Variants in WASHC2C observed in about 807,000 individuals in gnomAD.
The protein encoded by WASHC2C is WASH complex subunit 2C, also known as Vaccinia Penetration Factor.
WASHC2C carries 73 observed loss-of-function variants against 142.2 expected under a neutral mutation model. That is an observed-to-expected ratio of 0.51 (90% confidence interval 0.43 to 0.62). The LOEUF is 0.62. Ranked by LOEUF, WASHC2C falls within the 20% of genes least tolerant of loss-of-function variation. The pLI is 0.00. For missense variants in WASHC2C, 969 were observed against 1,531.7 expected (o/e 0.63, Z 6.13); for synonymous variants, 337 against 565.5 (o/e 0.60, Z 5.73).
At chr10:45,752,795 G>A (rs879966972) in intron 12 of WASHC2C, 89 bp downstream of exon 12, 84 of 870,682 alleles carry the variant, frequency 9.6e-5, no homozygotes, top group South Asian at 5.1e-4. Context: ...TTTAGTGGGG[G>A]AAAAACAGTT....
chr10:45,779,402 T>A (rs2057330189), intron 23 of WASHC2C, among the ~76,000 whole-genome samples: 1 of 151,344 alleles, frequency 6.6e-6, no homozygotes. Context: ...CTTTGCCCCT[T>A]GGCCAGTTGT....
chr10:45,773,448 C>T (rs2056783716), intron 21 of WASHC2C, 90 bp downstream of exon 21: 1 of 616,680 alleles, frequency 1.6e-6, no homozygotes, highest in Non-Finnish European at 3.0e-6. Flanking sequence ...TCATACCTAA[C>T]CTTGGAGGCT....
intron 19 of WASHC2C, among the ~76,000 whole-genome samples, chr10:45,768,171 G>C (rs2056142004): frequency 6.6e-6 from 1 of 151,118 alleles, no homozygotes; most frequent in Non-Finnish European, 1.5e-5. Flanking sequence ...AGGTTGCAGT[G>C]AGCCGAGACC....
At position 45,746,639 on chromosome 10, in the gene WASHC2C, CA is replaced by C. The variant is rs2052869807; in HGVS notation, c.728del (p.Asn243ThrfsTer7). 1.2e-6 allele frequency: 2 copies of C among 1,613,414 alleles called. No individual in the cohort carries two copies. The highest frequency in any genetic ancestry group is 1.7e-4 in the Middle Eastern group (1 of 6,050). On this transcript the variant is annotated frameshift_variant, in exon 8 of 31. Transcript: ENST00000623400. LOFTEE classifies it high-confidence loss of function. ...TTTTGCCCATCACAGTGACAATGAA[CA>C]AAACCAGGTAAGGCTCATATATTGA... ...EDFAHHSDNE[Q>X]NQHTTQMSDE...
intron 28 of WASHC2C, 80 bp downstream of exon 28, chr10:45,787,327 A>G (rs2058114498): frequency 8.5e-7 from 1 of 1,172,928 alleles, no homozygotes; most frequent in Non-Finnish European, 1.2e-6. Context: ...TATCAGTTGC[A>G]TACACAGCAG....
chr10:45,746,744 G>A (rs2052885939), intron 8 of WASHC2C, 97 bp downstream of exon 8: 1 of 1,519,278 alleles, frequency 6.6e-7, no homozygotes, highest in African/African-American at 1.4e-5. Flanking sequence ...GACCAAGTGA[G>A]GATTTTTTCA....
intron 19 of WASHC2C, among the ~76,000 whole-genome samples, chr10:45,766,998 A>G (rs2610511): frequency 1.5e-4 from 23 of 152,272 alleles, no homozygotes; most frequent in African/African-American, 5.5e-4. Flanking sequence ...CGGGCGTGGT[A>G]GCTCACGTCT....
chr10:45,792,061 G>A lies in WASHC2C; in HGVS notation c.3887-200G>A, dbSNP rs1208427274. Among the ~76,000 whole-genome samples the A allele has an allele frequency of 1.7e-4, 25 of 144,246 alleles. 3 individuals are homozygous for A. The highest frequency in any genetic ancestry group is 1.1e-3 in the Admixed American group (15 of 13,774). The allele number at this position is 144,246 out of a possible 152,430, so 94.6% of individuals were successfully genotyped here. A position where few individuals can be genotyped will look rare whatever the true frequency, so the allele number is the denominator to read the frequency against. On this transcript the variant is annotated intron_variant, in intron 30 of 30. Coordinates refer to ENST00000623400, the MANE Select transcript of WASHC2C (RefSeq NM_001330074.2). ...TGTAGCTGAAGAAATTGTGCTCCAA[G>A]AGAAACCTGTGTGTGATCATAAAAT...
In WASHC2C at chr10:45,773,259, A is replaced by G; in HGVS notation, c.2043A>G (p.Gln681=). ...DDLFAIAKDS[Q]KKTQRVSLLF... ...GACCTTTTGTTTGTTTGTGTAGCCA[A>G]AAGAAGACCCAGAGAGTGTCACTCC... Residue 681 remains glutamine (Q), a synonymous_variant, in exon 21 of 31, where the codon CAA becomes CAG. Transcript: ENST00000623400. 2 of 847,614 alleles carry G rather than the reference A, an allele frequency of 2.4e-6. No homozygotes were observed. The highest frequency in any genetic ancestry group is 3.6e-6 in the Non-Finnish European group (2 of 551,046). The allele number at this position is 847,614 out of a possible 1,614,324, so 52.5% of individuals were successfully genotyped here. A position where few individuals can be genotyped will look rare whatever the true frequency, so the allele number is the denominator to read the frequency against.
At chr10:45,765,265 A>AT (rs1354396681) in intron 18 of WASHC2C, among the ~76,000 whole-genome samples, 1 of 149,822 alleles carries the variant, frequency 6.7e-6, no homozygotes. Context: ...CCTTTCAGCC[A>AT]TTGTTCTGGT....
At chr10:45,787,710 A>G (rs2058146061) in intron 28 of WASHC2C, among the ~76,000 whole-genome samples, 1 of 151,892 alleles carries the variant, frequency 6.6e-6, no homozygotes, top group African/African-American at 2.4e-5. Flanking sequence ...CTCCAGGCAC[A>G]CCAGGTGCCA....
chr10:45,737,920 A>G, intron 3 of WASHC2C, 63 bp from the exon 4 acceptor site: 1 of 1,611,614 alleles, frequency 6.2e-7, no homozygotes, highest in Non-Finnish European at 8.5e-7. Context: ...GTGAATTCTT[A>G]TATTGTGATT....
chr10:45,758,078 A>G (rs1554878226), intron 16 of WASHC2C, among the ~76,000 whole-genome samples: 1 of 149,798 alleles, frequency 6.7e-6, no homozygotes, highest in Non-Finnish European at 1.5e-5. Flanking sequence ...TTTTTTTTTT[A>G]ATATCCAGCC....
intron 21 of WASHC2C, among the ~76,000 whole-genome samples, chr10:45,773,916 GCGTAAACA>G (rs2056856875): frequency 1.3e-5 from 1 of 78,906 alleles, no homozygotes; most frequent in South Asian, 4.0e-4. Flanking sequence ...AAAAAAAAAA[GCGTAAACA>G]CGTAAACATG....
intron 18 of WASHC2C, among the ~76,000 whole-genome samples, chr10:45,764,046 T>C (rs1191891807): frequency 1.3e-5 from 2 of 151,810 alleles, no homozygotes; most frequent in East Asian, 1.9e-4. Context: ...GTTTTATTTT[T>C]AGAAATCTGC....
At chr10:45,777,507 A>G (rs2057199131) in intron 22 of WASHC2C, 82 bp downstream of exon 22, 1 of 1,608,068 alleles carries the variant, frequency 6.2e-7, no homozygotes, top group Non-Finnish European at 8.5e-7. Context: ...AAGTTTTTTG[A>G]CCACAGAAAA....
chr10:45,756,006 AAG>A (rs1227523232), intron 15 of WASHC2C, among the ~76,000 whole-genome samples: 1 of 148,302 alleles, frequency 6.7e-6, no homozygotes, highest in Admixed American at 6.7e-5. Flanking sequence ...TTAATCTAGA[AAG>A]AGTGCAAACG....
Position 45,765,826 on chromosome 10 carries a change from T to C in WASHC2C, c.1869+16T>C, listed in dbSNP as rs782600596. The C allele has an allele frequency of 2.4e-5, 38 of 1,611,644 alleles. No homozygotes were observed. The highest frequency in any genetic ancestry group is 3.1e-5 in the Non-Finnish European group (36 of 1,179,790). On this transcript the variant is annotated intron_variant, in intron 19 of 30. Transcript: ENST00000623400. Reference sequence around the variant, plus strand: ...TGATGAGGAGGTGAGCTGAGGTTTCTGCTAAAAAAGAGGGGATTATTTCAT... The same window carrying C: ...TGATGAGGAGGTGAGCTGAGGTTTCCGCTAAAAAAGAGGGGATTATTTCAT...
chr10:45,764,639 T>TCAAAC (rs2055567807), intron 18 of WASHC2C, among the ~76,000 whole-genome samples: 1 of 151,926 alleles, frequency 6.6e-6, no homozygotes, highest in Non-Finnish European at 1.5e-5. Context: ...GGTGGTGAGC[T>TCAAAC]CAAAGGCTTT....
Sources: allele counts gnomAD v4.1 joint callset (sites outside exome capture counted in the v4.1 genomes callset), GRCh38; gene constraint gnomAD v4.1.1; transcripts MANE v1.5; gene names NCBI Gene and HGNC (gene_info 2026-07-23, HGNC 2026-07-21).